GRIN2A: variants seen among roughly 807,000 people sequenced by gnomAD.
The protein encoded by GRIN2A is glutamate ionotropic receptor NMDA type subunit 2A.
Under a neutral mutation model 113.4 loss-of-function variants are expected in GRIN2A, and 22 were observed. The observed-to-expected ratio is 0.19, with a 90% confidence interval of 0.14 to 0.28. GRIN2A has a LOEUF of 0.28. Among genes scored for constraint, GRIN2A ranks in the 10% least tolerant of loss-of-function variants. The pLI, the probability that GRIN2A is intolerant of heterozygous loss-of-function variation, is 1.00. For missense variants in GRIN2A, 1,502 were observed against 1,887.0 expected (o/e 0.80, Z 3.78); for synonymous variants, 827 against 738.4 (o/e 1.12, Z -1.94).
chr16:9,982,960 T>C (rs1014432198), intron 2 of GRIN2A, among the ~76,000 whole-genome samples: 12 of 152,172 alleles, frequency 7.9e-5, no homozygotes, highest in Non-Finnish European at 1.5e-5. Flanking sequence ...TAAGTAAAAA[T>C]ACATCATAAG....
At position 9,840,813 on chromosome 16, in the gene GRIN2A, CAAAAAAAAAAA is replaced by C. The variant is rs745951746; in HGVS notation, c.1498-24_1498-14del. The C allele has an allele frequency of 1.4e-5, 15 of 1,081,296 alleles. No individual in the cohort carries two copies. The highest frequency in any genetic ancestry group is 1.8e-5 in the Non-Finnish European group (15 of 816,182). The allele number at this position is 1,081,296 out of a possible 1,614,324, so 67.0% of individuals were successfully genotyped here. On this transcript the variant is annotated splice_polypyrimidine_tract_variant and intron_variant, in intron 6 of 12. Transcript: ENST00000330684. ...GTTGATAGACCACCTGGATGCAAGG[CAAAAAAAAAAA>C]AAAAAAAAAGAGAGAGAGAGAACAA...
intron 2 of GRIN2A, among the ~76,000 whole-genome samples, chr16:10,040,592 A>C (rs202066296): frequency 2.3e-4 from 33 of 141,286 alleles, no homozygotes; most frequent in Non-Finnish European, 4.7e-4. Flanking sequence ...ACACACACAA[A>C]ACACACATCC....
rs896786352 is a variant in GRIN2A at position 9,942,666 on chromosome 16, A to C, written c.415-4115T>G. Among the ~76,000 whole-genome samples the C allele has an allele frequency of 7.2e-5, 11 of 152,138 alleles. No individual in the cohort carries two copies. The East Asian group carries it at 2.1e-3, about 29-fold the overall frequency. On this transcript the variant is annotated intron_variant, in intron 2 of 12. Coordinates refer to ENST00000330684, the MANE Select transcript of GRIN2A (RefSeq NM_001134407.3). ...CCAGGTCCACTGACATGCTGGTTTC[A>C]AATCCCCACCACCCCATGCAAACCA...
At chr16:10,056,542 CTAA>C (rs964464428) in intron 2 of GRIN2A, among the ~76,000 whole-genome samples, 2 of 152,130 alleles carry the variant, frequency 1.3e-5, no homozygotes, top group Admixed American at 6.5e-5. Flanking sequence ...CACTCAGAAC[CTAA>C]TAATATGACC....
At chr16:10,152,250 T>C (rs970345841) in intron 2 of GRIN2A, among the ~76,000 whole-genome samples, 1 of 151,996 alleles carries the variant, frequency 6.6e-6, no homozygotes, top group African/African-American at 2.4e-5. Context: ...TTAGGAAGAG[T>C]CAGGGTTAAA....
chr16:9,812,598 G>A (rs1007638697), intron 10 of GRIN2A, among the ~76,000 whole-genome samples: 4 of 151,766 alleles, frequency 2.6e-5, no homozygotes, highest in African/African-American at 4.8e-5. Context: ...AGATAGTACC[G>A]CTGCACTCCA....
intron 2 of GRIN2A, among the ~76,000 whole-genome samples, chr16:10,075,889 C>T (rs57587803): frequency 0.14 from 21,189 of 152,008 alleles, 1,974 homozygotes; most frequent in African/African-American, 0.27. Flanking sequence ...TAAAATCCTA[C>T]AACTAGTGTT....
chr16:9,840,189 G>A (rs2042648588), intron 7 of GRIN2A, among the ~76,000 whole-genome samples: 1 of 152,140 alleles, frequency 6.6e-6, no homozygotes, highest in African/African-American at 2.4e-5. Context: ...AGTTCCACAT[G>A]GCTGGGGAGT....
chr16:9,919,253 T>C (rs2044313695), intron 3 of GRIN2A, among the ~76,000 whole-genome samples: 1 of 152,194 alleles, frequency 6.6e-6, no homozygotes, highest in Non-Finnish European at 1.5e-5. Context: ...CTCTGACTCA[T>C]TCTTCATACC....
chr16:10,015,092 A>G (rs1038696904), intron 2 of GRIN2A, among the ~76,000 whole-genome samples: 2 of 151,820 alleles, frequency 1.3e-5, no homozygotes, highest in African/African-American at 4.8e-5. Context: ...CATCTCTACT[A>G]AAAGTACAAA....
At chr16:9,842,971 G>GA (rs1555495121) in intron 5 of GRIN2A, among the ~76,000 whole-genome samples, 25 of 129,604 alleles carry the variant, frequency 1.9e-4, no homozygotes, top group African/African-American at 5.2e-4. Context: ...GAGAGAGAGA[G>GA]GAAGAAAGAA....
At chr16:9,793,365 C>T (rs1010476633) in intron 11 of GRIN2A, among the ~76,000 whole-genome samples, 1 of 152,106 alleles carries the variant, frequency 6.6e-6, no homozygotes, top group Non-Finnish European at 1.5e-5. Context: ...TATGGTCTTT[C>T]TTCTGCTTCT....
intron 2 of GRIN2A, among the ~76,000 whole-genome samples, chr16:10,178,566 GC>G (rs1246981202): frequency 6.6e-6 from 1 of 152,164 alleles, no homozygotes; most frequent in Non-Finnish European, 1.5e-5. Flanking sequence ...CCAGACAGGA[GC>G]CCCCCAAAAC....
chr16:10,044,142 C>T (rs2047220225), intron 2 of GRIN2A, among the ~76,000 whole-genome samples: 2 of 151,620 alleles, frequency 1.3e-5, no homozygotes, highest in South Asian at 2.1e-4. Flanking sequence ...CAACCTCTGC[C>T]TCCCAGGTCC....
At chr16:9,931,748 GAC>G (rs894780974) in intron 3 of GRIN2A, among the ~76,000 whole-genome samples, 18 of 152,026 alleles carry the variant, frequency 1.2e-4, no homozygotes, top group Admixed American at 8.5e-4. Flanking sequence ...CAGAGAGAAA[GAC>G]ACACACACAC....
intron 10 of GRIN2A, among the ~76,000 whole-genome samples, chr16:9,819,084 A>T (rs2042235092): frequency 6.6e-6 from 1 of 152,214 alleles, no homozygotes; most frequent in South Asian, 2.1e-4. Flanking sequence ...TCAGAAGAAC[A>T]TATTGGAAGG....
chr16:10,163,031 G>A (rs2049835816), intron 2 of GRIN2A, among the ~76,000 whole-genome samples: 1 of 152,202 alleles, frequency 6.6e-6, no homozygotes, highest in East Asian at 1.9e-4. Context: ...TTTTTGGTGA[G>A]TTAAAAGATT....
At chr16:9,896,206 C>T (rs557074226) in intron 3 of GRIN2A, among the ~76,000 whole-genome samples, 2 of 152,252 alleles carry the variant, frequency 1.3e-5, no homozygotes, top group South Asian at 2.1e-4. Context: ...CCTGCCACCA[C>T]TCCCGGCTAA....
At chr16:10,038,302 T>A (rs571233840) in intron 2 of GRIN2A, among the ~76,000 whole-genome samples, 95 of 152,214 alleles carry the variant, frequency 6.2e-4, no homozygotes, top group African/African-American at 2.2e-3. Context: ...AGCCTATCAC[T>A]TTGGAGATCA....
Sources: allele counts gnomAD v4.1 joint callset (sites outside exome capture counted in the v4.1 genomes callset), GRCh38; gene constraint gnomAD v4.1.1; transcripts MANE v1.5; gene names NCBI Gene and HGNC (gene_info 2026-07-23, HGNC 2026-07-21).